The following EFHB variants were observed in gnomAD, a reference collection of about 807,000 sequenced individuals.
The protein encoded by EFHB is EF-hand domain family member B, also known as EF-hand domain-containing family member B.
A neutral mutation model predicts 87.2 loss-of-function variants in EFHB; 91 were observed. The ratio of observed to expected loss-of-function variants is 1.04; its 90% CI spans 0.88 to 1.24. The LOEUF (loss-of-function observed/expected upper bound fraction) is 1.24. EFHB is among the 50% of genes most tolerant of loss of function. The pLI, the probability that EFHB is intolerant of heterozygous loss-of-function variation, is 0.00. For missense variants in EFHB, 1,084 were observed against 998.8 expected (o/e 1.09, Z -1.15); for synonymous variants, 325 against 333.6 (o/e 0.97, Z 0.28).
chr3:19,935,825 C>T (rs1040749523), upstream of EFHB, among the ~76,000 whole-genome samples: 1 of 151,852 alleles, frequency 6.6e-6, no homozygotes, highest in East Asian at 1.9e-4. Context: ...TCCTGGCCAA[C>T]ATGGTGAAAC....
At position 19,882,546 on chromosome 3, in the gene EFHB, A is replaced by G. The variant is rs937224724; in HGVS notation, c.2328+4T>C. 44 of 1,591,454 alleles carry G rather than the reference A, an allele frequency of 2.8e-5. No individual in the cohort carries two copies. The highest frequency in any genetic ancestry group is 3.7e-5 in the Non-Finnish European group (43 of 1,166,690). ...TTCCATTTTTGTATGCTTATATGCT[A>G]TACCTCTTCTTTTGATCTGGTCTTG... On this transcript the variant is annotated splice_donor_region_variant and intron_variant, in intron 12 of 12. Transcript: ENST00000295824.
At position 19,918,247 on chromosome 3, in the gene EFHB, TC is replaced by T. The variant is rs1176318772; in HGVS notation, c.1161del (p.Thr388GlnfsTer13). 6.3e-7 allele frequency: 1 copy of T among 1,599,516 alleles called. No homozygotes were observed. Among genetic ancestry groups the T allele is most frequent in the African/African-American group, 1.4e-5 (1 of 73,772 alleles). ...KGMDTTNTTF[G>X]TAVIKEYSAK... Reference sequence around the variant, plus strand: ...TTTTTACTACCTTTGATGACTGCTGTCCCAAATGTCGTATTGGTTGTGTCCA... The same window carrying T: ...TTTTTACTACCTTTGATGACTGCTGTCCAAATGTCGTATTGGTTGTGTCCA... On this transcript the variant is annotated frameshift_variant, in exon 4 of 13. Coordinates refer to ENST00000295824, the MANE Select transcript of EFHB (RefSeq NM_144715.4). LOFTEE classifies it high-confidence loss of function.
intron 5 of EFHB, among the ~76,000 whole-genome samples, chr3:19,910,142 C>T (rs866901721): frequency 3.9e-5 from 6 of 151,938 alleles, no homozygotes; most frequent in Non-Finnish European, 7.4e-5. Flanking sequence ...GAGCAGAGCA[C>T]GAAGCAGGCT....
intron 12 of EFHB, among the ~76,000 whole-genome samples, chr3:19,880,911 G>GAA (rs150677567): frequency 0.027 from 3,765 of 139,186 alleles, 169 homozygotes; most frequent in African/African-American, 0.093. Flanking sequence ...GAAGCATTCA[G>GAA]AAAAAAAAAA....
At chr3:19,912,134 A>G (rs1218708834) in intron 5 of EFHB, among the ~76,000 whole-genome samples, 1 of 152,148 alleles carries the variant, frequency 6.6e-6, no homozygotes, top group African/African-American at 2.4e-5. Context: ...CCCAAAGAAG[A>G]CTACCTCAAG....
chr3:19,944,211 A>C (rs1224860537), intron 1 of EFHB, among the ~76,000 whole-genome samples: 2 of 152,254 alleles, frequency 1.3e-5, no homozygotes, highest in Non-Finnish European at 2.9e-5. Context: ...CATCTATGCA[A>C]AGATTCATTC....
chr3:19,912,961 C>A (rs1342434077), intron 5 of EFHB, among the ~76,000 whole-genome samples: 1 of 152,102 alleles, frequency 6.6e-6, no homozygotes, highest in African/African-American at 2.4e-5. Flanking sequence ...GCTGAAAAAG[C>A]ATCTGATAAA....
At chr3:19,922,248 C>T (rs1401273716) in intron 1 of EFHB, among the ~76,000 whole-genome samples, 1 of 152,140 alleles carries the variant, frequency 6.6e-6, no homozygotes, top group African/African-American at 2.4e-5. Flanking sequence ...TTATTCTGAG[C>T]TGAAGGCAGT....
At chr3:19,899,351 G>C in intron 7 of EFHB, 81 bp downstream of exon 7, 1 of 909,520 alleles carries the variant, frequency 1.1e-6, no homozygotes, top group South Asian at 2.0e-5. Flanking sequence ...GAATCTAATA[G>C]GCACACCAAC....
At chr3:19,945,297 G>C (rs969335257) in intron 1 of EFHB, among the ~76,000 whole-genome samples, 18 of 152,220 alleles carry the variant, frequency 1.2e-4, no homozygotes, top group African/African-American at 4.3e-4. Context: ...TAGAGTTAAA[G>C]AACTTTAGAC....
At chr3:19,939,672 C>T (rs1696111637) in intron 1 of EFHB, among the ~76,000 whole-genome samples, 1 of 152,046 alleles carries the variant, frequency 6.6e-6, no homozygotes, top group Admixed American at 6.6e-5. Flanking sequence ...GCGTGAACCA[C>T]CGCACCCGCC....
At chr3:19,884,360 C>G (rs368077923) in intron 11 of EFHB, 43 bp downstream of exon 11, 192 of 1,558,616 alleles carry the variant, frequency 1.2e-4, no homozygotes, top group Non-Finnish European at 1.4e-4. Context: ...AGACAGAGGA[C>G]AGTTTGTTGA....
intron 12 of EFHB, among the ~76,000 whole-genome samples, chr3:19,880,811 C>T (rs759550979): frequency 1.3e-5 from 2 of 150,028 alleles, no homozygotes; most frequent in African/African-American, 2.5e-5. Flanking sequence ...GAACTAGTAG[C>T]GGGAAGAAAC....
chr3:19,920,680 A>C, intron 1 of EFHB, 113 bp from the exon 2 acceptor site: 1 of 748,368 alleles, frequency 1.3e-6, no homozygotes, highest in Non-Finnish European at 2.1e-6. Flanking sequence ...GTTACTTTTG[A>C]CTAACATAAA....
intron 1 of EFHB, among the ~76,000 whole-genome samples, chr3:19,925,691 T>C (rs1024272570): frequency 6.6e-6 from 1 of 152,154 alleles, no homozygotes; most frequent in African/African-American, 2.4e-5. Context: ...AATGGCCAAG[T>C]ACCTCTTTCA....
chr3:19,913,462 CATAAA>C (rs1342260380), intron 5 of EFHB, among the ~76,000 whole-genome samples: 1 of 152,074 alleles, frequency 6.6e-6, no homozygotes, highest in Non-Finnish European at 1.5e-5. Flanking sequence ...AATAGCCACA[CATAAA>C]ATTAAATATC....
rs780654338 is a variant in EFHB, at chr3:19,905,748, T to A, written c.1290A>T (p.Gly430=). ...YVVSHNDYYA[G]EAKNRKYNPS... is the part of the protein sequence containing the mutation. ...GGTTATACTTTCGGTTCTTTGCCTCTCCTGTGGAAAAAGAAAGGAAGACTT... is the reference window on the plus strand; with the variant it reads ...GGTTATACTTTCGGTTCTTTGCCTCACCTGTGGAAAAAGAAAGGAAGACTT... The change falls in exon 6 of 13, where the codon GGA becomes GGT. Residue 430 remains glycine (G), a splice_region_variant and synonymous_variant. Coordinates refer to ENST00000295824, the MANE Select transcript of EFHB (RefSeq NM_144715.4). 1 of 1,602,380 alleles carries A rather than the reference T, an allele frequency of 6.2e-7. No homozygotes were observed.
intron 5 of EFHB, among the ~76,000 whole-genome samples, chr3:19,910,991 C>T (rs1695044552): frequency 6.6e-6 from 1 of 152,174 alleles, no homozygotes. Flanking sequence ...TACAAATAAG[C>T]ACAGACAGTG....
chr3:19,934,857 A>G (rs560835417), upstream of EFHB, among the ~76,000 whole-genome samples: 11 of 152,330 alleles, frequency 7.2e-5, no homozygotes, highest in South Asian at 2.3e-3. Flanking sequence ...AAGACATCTT[A>G]AAGTCCTTGA....
Sources: gnomAD v4.1 joint callset for allele counts (sites outside exome capture counted in the v4.1 genomes callset) on GRCh38, gnomAD v4.1.1 for gene constraint, MANE v1.5 for transcripts, NCBI Gene and HGNC (gene_info 2026-07-23, HGNC 2026-07-21) for gene names.